Variants in OSBPL10 observed in about 807,000 individuals in gnomAD.
The protein encoded by OSBPL10 is oxysterol-binding protein-related protein 10.
A neutral mutation model predicts 81.7 loss-of-function variants in OSBPL10; 49 were observed. The observed-to-expected ratio is 0.60, with a 90% CI of 0.48 to 0.76. The LOEUF (loss-of-function observed/expected upper bound fraction) is 0.76, where lower values mean the gene tolerates loss of function less well. Ranked by LOEUF, OSBPL10 falls within the 30% of genes least tolerant of loss-of-function variation. The pLI, the probability that OSBPL10 is intolerant of heterozygous loss-of-function variation, is 0.00. For missense variants in OSBPL10, 923 were observed against 987.8 expected, an observed-to-expected ratio of 0.93 and a Z score of 0.88; for synonymous variants, 419 against 383.6, an observed-to-expected ratio of 1.09 and a Z score of -1.08.
intron 1 of OSBPL10, among the ~76,000 whole-genome samples, chr3:32,052,277 A>G (rs1699675970): frequency 6.6e-6 from 1 of 152,000 alleles, no homozygotes; most frequent in Non-Finnish European, 1.5e-5. Flanking sequence ...AAAGATTAAT[A>G]AAATTTAGAT....
chr3:31,965,743 T>G (rs1698356258), intron 1 of OSBPL10, among the ~76,000 whole-genome samples: 10 of 66,472 alleles, frequency 1.5e-4, no homozygotes, highest in African/African-American at 4.5e-4. Context: ...TATCTATTTA[T>G]ATAATATATA....
At chr3:31,952,929 C>G (rs190323517) in intron 1 of OSBPL10, among the ~76,000 whole-genome samples, 82 of 116,544 alleles carry the variant, frequency 7.0e-4, no homozygotes, top group Non-Finnish European at 1.2e-3. Flanking sequence ...AATCTTCCTA[C>G]TTTTTTTTTT....
intron 3 of OSBPL10, among the ~76,000 whole-genome samples, chr3:31,835,303 AT>A (rs1445244370): frequency 5.9e-5 from 9 of 152,346 alleles, no homozygotes; most frequent in African/African-American, 1.4e-4. Context: ...ACCCAAAAAA[AT>A]AATTAGTATT....
chr3:31,988,545 T>C, intron 2 of OSBPL10: 1 of 159,744 alleles, frequency 6.3e-6, no homozygotes, highest in East Asian at 1.8e-4. Context: ...GAATACAATA[T>C]GGCAGAAGTC....
intron 3 of OSBPL10, among the ~76,000 whole-genome samples, chr3:31,870,609 T>A (rs1701296707): frequency 6.6e-6 from 1 of 152,224 alleles, no homozygotes; most frequent in African/African-American, 2.4e-5. Flanking sequence ...AGAACCTTTA[T>A]GTCTAGCGCA....
At chr3:31,793,827 C>A (rs150868459) in intron 4 of OSBPL10, among the ~76,000 whole-genome samples, 1 of 152,292 alleles carries the variant, frequency 6.6e-6, no homozygotes, top group African/African-American at 2.4e-5. Context: ...AACTCCACAT[C>A]TATAGGTTCA....
At chr3:31,838,846 T>A (rs1700427089) in intron 3 of OSBPL10, among the ~76,000 whole-genome samples, 4 of 152,256 alleles carry the variant, frequency 2.6e-5, no homozygotes, top group African/African-American at 9.6e-5. Context: ...ATATGGTTTT[T>A]AATTAACTAT....
upstream of OSBPL10, among the ~76,000 whole-genome samples, chr3:31,981,461 C>A (rs1026798818): frequency 3.9e-5 from 6 of 152,280 alleles, no homozygotes; most frequent in African/African-American, 1.4e-4. The surrounding 1 kb of genome is among the most constrained non-coding windows in gnomAD (Gnocchi z 4.5). Flanking sequence ...AGCGGGTGGC[C>A]GGCTAGGCGA....
intron 1 of OSBPL10, among the ~76,000 whole-genome samples, chr3:31,965,535 TA>T: frequency 3.8e-5 from 2 of 53,196 alleles, no homozygotes; most frequent in South Asian, 6.9e-4. Context: ...TTATATTATA[TA>T]AATTATATAT....
chr3:31,876,174 A>G (rs1701463714), intron 3 of OSBPL10, among the ~76,000 whole-genome samples: 1 of 152,152 alleles, frequency 6.6e-6, no homozygotes, highest in Non-Finnish European at 1.5e-5. Flanking sequence ...ACAGCTGCCT[A>G]AATTGACAAC....
chr3:32,037,974 A>G (rs1699536037), intron 2 of OSBPL10, among the ~76,000 whole-genome samples: 1 of 152,240 alleles, frequency 6.6e-6, no homozygotes, highest in Admixed American at 6.5e-5. Context: ...TTTATATCAG[A>G]ACAGAGAAAG....
intron 2 of OSBPL10, among the ~76,000 whole-genome samples, chr3:32,027,031 C>CT (rs1307946921): frequency 1.3e-5 from 2 of 151,538 alleles, no homozygotes; most frequent in South Asian, 2.1e-4. Context: ...CTTTTTTTTT[C>CT]TTTTTTTTAT....
chr3:31,740,569 G>A (rs1298734710), intron 5 of OSBPL10, among the ~76,000 whole-genome samples: 1 of 151,836 alleles, frequency 6.6e-6, no homozygotes, highest in Non-Finnish European at 1.5e-5. Flanking sequence ...AAAAAGTATT[G>A]CATCATCCCT....
chr3:31,938,627 G>A (rs1322929565), intron 1 of OSBPL10, among the ~76,000 whole-genome samples: 1 of 152,070 alleles, frequency 6.6e-6, no homozygotes, highest in African/African-American at 2.4e-5. Flanking sequence ...TCCCACCTCA[G>A]CCTACCACGT....
At chr3:31,907,950 G>C (rs1667344828) in intron 1 of OSBPL10, among the ~76,000 whole-genome samples, 1 of 152,148 alleles carries the variant, frequency 6.6e-6, no homozygotes, top group Admixed American at 6.5e-5. Flanking sequence ...CTACAGTGTT[G>C]GAGGCTGGGA....
chr3:32,023,811 GT>G (rs1259468186), intron 2 of OSBPL10, among the ~76,000 whole-genome samples: 1 of 152,026 alleles, frequency 6.6e-6, no homozygotes, highest in African/African-American at 2.4e-5. Flanking sequence ...TACATTCTAT[GT>G]TTTTTTCTAT....
intron 4 of OSBPL10, among the ~76,000 whole-genome samples, chr3:31,784,205 CA>C (rs993982389): frequency 2.6e-5 from 4 of 151,364 alleles, no homozygotes; most frequent in South Asian, 2.1e-4. Flanking sequence ...CAAAACAAAA[CA>C]AAAAAACTAG....
intron 1 of OSBPL10, among the ~76,000 whole-genome samples, chr3:31,902,258 A>AATT (rs1696265214): frequency 8.5e-6 from 1 of 117,958 alleles, no homozygotes; most frequent in Non-Finnish European, 1.7e-5. Context: ...TCTTGTCAGT[A>AATT]TTTTTTTTTT....
chr3:31,902,292 C>T (rs1469519296), intron 1 of OSBPL10, among the ~76,000 whole-genome samples: 1 of 143,110 alleles, frequency 7.0e-6, no homozygotes, highest in African/African-American at 2.6e-5. Flanking sequence ...AGACGGAGTC[C>T]CACTCTGTCG....
Sources: allele counts gnomAD v4.1 joint callset (sites outside exome capture counted in the v4.1 genomes callset), GRCh38; gene constraint gnomAD v4.1.1; non-coding constraint Gnocchi (gnomAD v3.1); transcripts MANE v1.5; gene names NCBI Gene and HGNC (gene_info 2026-07-23, HGNC 2026-07-21).